Variants in PRKCE observed in about 807,000 individuals in gnomAD.
PRKCE encodes the protein protein kinase C epsilon type.
In PRKCE, 16 loss-of-function variants were observed where a neutral mutation model predicts 85.4. The observed-to-expected ratio is 0.19, with a 90% CI of 0.13 to 0.28. The LOEUF (loss-of-function observed/expected upper bound fraction) is 0.28, where lower values mean the gene tolerates loss of function less well. Ranked by LOEUF, PRKCE falls within the 10% of genes least tolerant of loss-of-function variation. The probability of loss-of-function intolerance (pLI) is 1.00; values close to 1 mark genes in which losing one functional copy is unlikely to be tolerated. For missense variants in PRKCE, 573 were observed against 975.2 expected, an observed-to-expected ratio of 0.59 and a Z score of 5.49; for synonymous variants, 388 against 371.5, an observed-to-expected ratio of 1.04 and a Z score of -0.51.
rs1196196711 is a variant in PRKCE at position 45,779,619 on chromosome 2, AGAG to A, written c.349-63380_349-63378del. Among the ~76,000 whole-genome samples the A allele has an allele frequency of 9.3e-5, 14 of 151,200 alleles. No homozygotes were observed. In the South Asian group the frequency reaches 2.7e-3, roughly 29 times the overall value. ...ATATTAAAGTAAAAAAAAAAAAAAA[AGAG>A]AAAATCTCCTACCAGGCCTATTCTC... On this transcript the variant is annotated intron_variant, in intron 1 of 14. Coordinates refer to ENST00000306156, the MANE Select transcript of PRKCE (RefSeq NM_005400.3).
intron 11 of PRKCE, among the ~76,000 whole-genome samples, chr2:46,122,032 T>C (rs1411183000): frequency 1.3e-5 from 2 of 152,098 alleles, no homozygotes; most frequent in Non-Finnish European, 2.9e-5. Flanking sequence ...GCACAGTTCT[T>C]AGATATTAAT....
At chr2:46,006,623 C>T (rs564333503) in intron 8 of PRKCE, among the ~76,000 whole-genome samples, 79 of 152,310 alleles carry the variant, frequency 5.2e-4, no homozygotes, top group African/African-American at 1.5e-3. Context: ...GGATTTTGCT[C>T]AAGATGCCCA....
chr2:46,171,854 G>GA (rs1364160280), intron 14 of PRKCE, among the ~76,000 whole-genome samples: 1 of 152,176 alleles, frequency 6.6e-6, no homozygotes, highest in African/African-American at 2.4e-5. Flanking sequence ...CGGTCCAGTG[G>GA]AAAAGACACC....
At chr2:45,674,082 T>A (rs1676306267) in intron 1 of PRKCE, among the ~76,000 whole-genome samples, 1 of 152,186 alleles carries the variant, frequency 6.6e-6, no homozygotes, top group Non-Finnish European at 1.5e-5. Context: ...TTGTGTTTAT[T>A]GGAAAATATT....
chr2:46,011,921 A>G (rs943911200), intron 10 of PRKCE, among the ~76,000 whole-genome samples: 3 of 152,190 alleles, frequency 2.0e-5, no homozygotes, highest in African/African-American at 7.2e-5. Flanking sequence ...ATCTTTCAAG[A>G]TGGACACATA....
chr2:45,750,210 C>G (rs1683443271), intron 1 of PRKCE, among the ~76,000 whole-genome samples: 1 of 152,174 alleles, frequency 6.6e-6, no homozygotes, highest in South Asian at 2.1e-4. Context: ...GTGCAACCAT[C>G]ACTACTATCT....
At chr2:46,124,772 C>A (rs143389049) in intron 11 of PRKCE, among the ~76,000 whole-genome samples, 2,608 of 152,270 alleles carry the variant, frequency 0.017, 39 homozygotes, top group Non-Finnish European at 0.022. Context: ...TCTAATATAT[C>A]CAGCAAAGAT....
At chr2:45,799,699 G>A (rs1353912752) in intron 1 of PRKCE, among the ~76,000 whole-genome samples, 3 of 152,200 alleles carry the variant, frequency 2.0e-5, no homozygotes, top group African/African-American at 7.2e-5. Context: ...ACTTTTTAAA[G>A]CATGGGGCTC....
chr2:45,915,760 C>T (rs1427206625), intron 2 of PRKCE, among the ~76,000 whole-genome samples: 1 of 152,174 alleles, frequency 6.6e-6, no homozygotes, highest in Non-Finnish European at 1.5e-5. Flanking sequence ...GTCTCATGTA[C>T]AGACATGACC....
chr2:46,167,547 A>G (rs1678460507), intron 14 of PRKCE, among the ~76,000 whole-genome samples: 1 of 152,160 alleles, frequency 6.6e-6, no homozygotes, highest in Non-Finnish European at 1.5e-5. Context: ...AAGCATCTGA[A>G]GGCAGGGAAG....
At chr2:45,855,562 G>A (rs917667324) in intron 2 of PRKCE, among the ~76,000 whole-genome samples, 1 of 152,198 alleles carries the variant, frequency 6.6e-6, no homozygotes, top group Admixed American at 6.5e-5. Context: ...AAAACACAGT[G>A]CATCGGTGTG....
At chr2:46,136,560 T>C (rs6724315) in intron 11 of PRKCE, among the ~76,000 whole-genome samples, 29,814 of 152,068 alleles carry the variant, frequency 0.2, 4,157 homozygotes, top group African/African-American at 0.4. Flanking sequence ...CACCCCACCT[T>C]AAGTTCTTTA....
intron 1 of PRKCE, among the ~76,000 whole-genome samples, chr2:45,671,670 A>C (rs1375222060): frequency 1.3e-5 from 2 of 152,192 alleles, no homozygotes; most frequent in Admixed American, 6.5e-5. Context: ...CCTCCAATTG[A>C]AAAAATGTAA....
chr2:45,665,979 A>G (rs116331329), intron 1 of PRKCE, among the ~76,000 whole-genome samples: 3,211 of 151,928 alleles, frequency 0.021, 105 homozygotes, highest in African/African-American at 0.074. Context: ...TTGATGAGGG[A>G]CCCCTTTCTA....
Position 46,159,482 on chromosome 2 carries a change from G to A in PRKCE, c.1921-124G>A. On this transcript the variant is annotated intron_variant, in intron 13 of 14. Transcript: ENST00000306156. This position sits in a 1 kb window ranked among gnomAD's most constrained non-coding sequence, Gnocchi z 4.1. Reference sequence around the variant, plus strand: ...AACCCAACAGATGTGGCCCTTGAAAGTGCAAAGAACAGACTTGGGAGGCGA... The same window carrying A: ...AACCCAACAGATGTGGCCCTTGAAAATGCAAAGAACAGACTTGGGAGGCGA... 2 of 1,023,380 alleles carry A rather than the reference G, an allele frequency of 2.0e-6. No individual in the cohort carries two copies. Among genetic ancestry groups the A allele is most frequent in the Non-Finnish European group, 2.8e-6 (2 of 720,202 alleles). The allele number at this position is 1,023,380 out of a possible 1,614,324, so 63.4% of individuals were successfully genotyped here. A position where few individuals can be genotyped will look rare whatever the true frequency, so the allele number is the denominator to read the frequency against.
At chr2:46,088,171 C>T (rs552071996) in intron 11 of PRKCE, among the ~76,000 whole-genome samples, 1 of 152,334 alleles carries the variant, frequency 6.6e-6, no homozygotes, top group African/African-American at 2.4e-5. Context: ...TATACCAGAG[C>T]ATGAGTTGGG....
intron 10 of PRKCE, among the ~76,000 whole-genome samples, chr2:46,022,110 G>A (rs1318805097): frequency 2.0e-5 from 3 of 152,202 alleles, no homozygotes; most frequent in Non-Finnish European, 4.4e-5. Context: ...GTTCACATAT[G>A]CCCTGTTGAC....
intron 1 of PRKCE, among the ~76,000 whole-genome samples, chr2:45,684,648 G>C (rs1677154431): frequency 6.6e-6 from 1 of 152,188 alleles, no homozygotes; most frequent in Admixed American, 6.5e-5. Flanking sequence ...TGCTCTTTCT[G>C]GTTTCCTGCA....
At chr2:45,809,383 G>A (rs1241039470) in intron 1 of PRKCE, among the ~76,000 whole-genome samples, 1 of 151,824 alleles carries the variant, frequency 6.6e-6, no homozygotes, top group East Asian at 1.9e-4. Flanking sequence ...AAGGGCTCTG[G>A]GGCAAAAAAG....
Sources: allele counts gnomAD v4.1 joint callset (sites outside exome capture counted in the v4.1 genomes callset), GRCh38; gene constraint gnomAD v4.1.1; non-coding constraint Gnocchi (gnomAD v3.1); transcripts MANE v1.5; gene names NCBI Gene and HGNC (gene_info 2026-07-23, HGNC 2026-07-21).